ANO7: variants seen among roughly 807,000 people sequenced by gnomAD.
The protein encoded by ANO7 is anoctamin-7.
A neutral mutation model predicts 115.8 loss-of-function variants in ANO7; 114 were observed. The ratio of observed to expected loss-of-function variants is 0.98; its 90% CI spans 0.85 to 1.15. The LOEUF is 1.15. Ranked by LOEUF, ANO7 falls within the 50% of genes most tolerant of loss-of-function variation. The pLI, the probability that ANO7 is intolerant of heterozygous loss-of-function variation, is 0.00. For synonymous variants in ANO7, 550 were observed against 498.2 expected (o/e 1.10, Z -1.38); for missense variants, 1,302 against 1,201.2 (o/e 1.08, Z -1.24).
intron 21 of ANO7, among the ~76,000 whole-genome samples, chr2:241,219,084 G>A (rs551725563): frequency 6.6e-6 from 1 of 152,332 alleles, no homozygotes; most frequent in South Asian, 2.1e-4. Flanking sequence ...GGGAGAAACT[G>A]GGAAGGACAA....
chr2:241,223,313 A>C (rs754438093), intron 22 of ANO7, 37 bp downstream of exon 22: 2 of 1,608,958 alleles, frequency 1.2e-6, no homozygotes, highest in Non-Finnish European at 1.7e-6. Context: ...CATCCATGGC[A>C]TGAGGCCCCG....
At chr2:241,239,798 A>G in the ANO7 span, 1 of 1,613,958 alleles carries the variant, frequency 6.2e-7, no homozygotes, top group Non-Finnish European at 8.5e-7. The surrounding 1 kb of genome is among the most constrained non-coding windows in gnomAD (Gnocchi z 4.6). Flanking sequence ...GTCCACCAGC[A>G]TGGAGTCTTC....
In ANO7 at chr2:241,225,848, G is replaced by C. The variant is rs545577171; in HGVS notation, c.*1695G>C. Among the ~76,000 whole-genome samples, 20 of 152,198 alleles carry C rather than the reference G, an allele frequency of 1.3e-4. No homozygotes were observed. The highest frequency in any genetic ancestry group is 4.6e-4 in the Admixed American group (7 of 15,288). On this transcript the variant is annotated 3_prime_UTR_variant, in exon 25 of 25. Coordinates refer to ENST00000674324, the MANE Select transcript of ANO7 (RefSeq NM_001370694.2). ...ACACACGGCCCGGGGCGGGAACCTT[G>C]GAAACTTTACACAGATGGGGAGCTC...
intron 15 of ANO7, 112 bp from the exon 16 acceptor site, chr2:241,211,982 T>G: frequency 1.4e-6 from 1 of 708,858 alleles, no homozygotes; most frequent in Non-Finnish European, 2.5e-6. Context: ...AATATCTGGA[T>G]GATATGGCCT....
At chr2:241,209,666 C>G (rs2068676726) in intron 13 of ANO7, 31 bp downstream of exon 13, 2 of 1,509,620 alleles carry the variant, frequency 1.3e-6, no homozygotes, top group African/African-American at 2.8e-5. Flanking sequence ...CCGCTCACGC[C>G]TCCATCCTCC....
At chr2:241,189,382 A>C (rs931094140) in intron 1 of ANO7, among the ~76,000 whole-genome samples, 2 of 152,058 alleles carry the variant, frequency 1.3e-5, no homozygotes, top group Non-Finnish European at 2.9e-5. Context: ...CGCAGCTCCA[A>C]ATGCCAGCCC....
chr2:241,219,317 G>A (rs1004892945), intron 21 of ANO7, among the ~76,000 whole-genome samples: 10 of 152,166 alleles, frequency 6.6e-5, no homozygotes, highest in Non-Finnish European at 8.8e-5. Flanking sequence ...TCTCTCTCAG[G>A]TTTTGCTTTT....
chr2:241,222,553 C>T (rs1427975162), intron 21 of ANO7, among the ~76,000 whole-genome samples: 1 of 152,010 alleles, frequency 6.6e-6, no homozygotes, highest in African/African-American at 2.4e-5. Flanking sequence ...ATTTTTTTTC[C>T]AATGGCTATA....
intron 3 of ANO7, among the ~76,000 whole-genome samples, chr2:241,195,472 C>T (rs878877774): frequency 2.0e-5 from 3 of 152,214 alleles, no homozygotes; most frequent in Admixed American, 2.0e-4. Flanking sequence ...AGCCCCTCTC[C>T]AGGCCTCCGT....
At chr2:241,194,472 GC>G (rs2068276405) in intron 3 of ANO7, among the ~76,000 whole-genome samples, 1 of 151,694 alleles carries the variant, frequency 6.6e-6, no homozygotes, top group African/African-American at 2.4e-5. Flanking sequence ...CGGCCACCAC[GC>G]CCAGCTAATT....
In ANO7 at chr2:241,224,377, C is replaced by G; in HGVS notation, c.*224C>G. 1.7e-6 allele frequency: 1 copy of G among 579,444 alleles called. No individual in the cohort carries two copies. 35.9% of individuals were successfully genotyped at this position (579,444 alleles called of 1,614,324 possible). ...AGGGACCGTCAGCTCACAAGGCCCTCTTTGTTTCCTGCTCCCAGACATAAG... is the reference window on the plus strand; with the variant it reads ...AGGGACCGTCAGCTCACAAGGCCCTGTTTGTTTCCTGCTCCCAGACATAAG... On this transcript the variant is annotated 3_prime_UTR_variant, in exon 25 of 25. Coordinates refer to ENST00000674324, the MANE Select transcript of ANO7 (RefSeq NM_001370694.2).
the ANO7 span, among the ~76,000 whole-genome samples, chr2:241,239,345 C>T: frequency 1.3e-5 from 2 of 152,098 alleles, no homozygotes; most frequent in African/African-American, 4.8e-5. The surrounding 1 kb of genome is among the most constrained non-coding windows in gnomAD (Gnocchi z 4.6). Flanking sequence ...TCCTCTCTCT[C>T]TCTCCCCTCT....
chr2:241,237,739 G>A, the ANO7 span, among the ~76,000 whole-genome samples: 1 of 152,070 alleles, frequency 6.6e-6, no homozygotes, highest in Non-Finnish European at 1.5e-5. Flanking sequence ...GTGTGTAAAA[G>A]GGGAGAAGTT....
At chr2:241,218,722 T>A (rs566912481) in intron 21 of ANO7, among the ~76,000 whole-genome samples, 3 of 152,316 alleles carry the variant, frequency 2.0e-5, no homozygotes, top group Non-Finnish European at 4.4e-5. Context: ...GGCAGACTCG[T>A]GTCTTCAGAG....
At chr2:241,201,020 G>A (rs2149157718) in intron 6 of ANO7, among the ~76,000 whole-genome samples, 1 of 152,366 alleles carries the variant, frequency 6.6e-6, no homozygotes, top group South Asian at 2.1e-4. Flanking sequence ...CCCACCCTGT[G>A]TGTGGTGAGG....
Position 241,225,597 on chromosome 2 carries a change from GA to G in ANO7, c.*1448del, listed in dbSNP as rs1296210712. ...TGAGTACTGCCAAACTTACTCCACA[GA>G]AAAGGCCTCTTTCTGAACATCCTCG... On this transcript the variant is annotated 3_prime_UTR_variant, in exon 25 of 25. Transcript: ENST00000674324. Among the ~76,000 whole-genome samples, 7 of 152,198 alleles carry G rather than the reference GA, an allele frequency of 4.6e-5. No homozygotes were observed. Among genetic ancestry groups the G allele is most frequent in the Non-Finnish European group, 8.8e-5 (6 of 68,040 alleles).
intron 14 of ANO7, 30 bp downstream of exon 14, chr2:241,210,423 CCT>C (rs2068694734): frequency 1.2e-6 from 2 of 1,613,642 alleles, no homozygotes; most frequent in Non-Finnish European, 1.7e-6. Context: ...CTCGGGGGGC[CCT>C]GAGCGGCCCC....
chr2:241,195,454 C>G (rs1446295234), intron 3 of ANO7, among the ~76,000 whole-genome samples: 1 of 152,206 alleles, frequency 6.6e-6, no homozygotes, highest in Non-Finnish European at 1.5e-5. Flanking sequence ...TCTCAGAGGG[C>G]CATACCCAGC....
the ANO7 span, among the ~76,000 whole-genome samples, chr2:241,233,045 G>A: frequency 6.6e-6 from 1 of 152,216 alleles, no homozygotes; most frequent in African/African-American, 2.4e-5. The surrounding 1 kb of genome is among the most constrained non-coding windows in gnomAD (Gnocchi z 4.3). Flanking sequence ...CAGTGGGAGC[G>A]AGGGGCGTGG....
Sources: gnomAD v4.1 joint callset for allele counts (sites outside exome capture counted in the v4.1 genomes callset) on GRCh38, gnomAD v4.1.1 for gene constraint, Gnocchi (gnomAD v3.1) non-coding constraint, MANE v1.5 for transcripts, NCBI Gene and HGNC (gene_info 2026-07-23, HGNC 2026-07-21) for gene names.